ATXN10: variants seen among roughly 807,000 people sequenced by gnomAD.
ATXN10 encodes ataxin 10.
In ATXN10, 28 loss-of-function variants were observed where a neutral mutation model predicts 52.9. The observed-to-expected ratio is 0.53, with a 90% CI of 0.39 to 0.73. The LOEUF is 0.73. ATXN10 is among the 30% of genes least tolerant of loss of function. The pLI, the probability that ATXN10 is intolerant of heterozygous loss-of-function variation, is 0.00. For synonymous variants in ATXN10, 226 were observed against 221.5 expected (o/e 1.02, Z -0.18); for missense variants, 565 against 577.0 (o/e 0.98, Z 0.21).
chr22:45,764,318 C>CA (rs1926507791), intron 9 of ATXN10, among the ~76,000 whole-genome samples: 2 of 151,940 alleles, frequency 1.3e-5, no homozygotes, highest in South Asian at 4.2e-4. Context: ...CACTGCCTTC[C>CA]TGCTCAGCAT....
In ATXN10 at chr22:45,690,716, A is replaced by G. The variant is rs2146738647; in HGVS notation, c.308+813A>G. 6.6e-6 allele frequency among the ~76,000 whole-genome samples: 1 copy of G among 152,342 alleles called. No individual in the cohort carries two copies. The highest frequency in any genetic ancestry group is 2.1e-4 in the South Asian group (1 of 4,824). ...CTTCCACCTATTTTATGATGCGCAC[A>G]TTTTTAAAAGTAGTTAAAACATGAG... On this transcript the variant is annotated intron_variant, in intron 2 of 11. Coordinates refer to ENST00000252934, the MANE Select transcript of ATXN10 (RefSeq NM_013236.4). The surrounding 1 kb of genome is among the most constrained non-coding windows in gnomAD (Gnocchi z 4.5).
Position 45,833,260 on chromosome 22 carries a change from C to G in ATXN10, c.1238-9731C>G, listed in dbSNP as rs539456760. ...CTCCCCACCCTTGACCACCGACTTCCTGGGAGCTGCTGAAGGCGTCGGGGG... is the reference window on the plus strand; with the variant it reads ...CTCCCCACCCTTGACCACCGACTTCGTGGGAGCTGCTGAAGGCGTCGGGGG... On this transcript the variant is annotated intron_variant, in intron 10 of 11. Coordinates refer to ENST00000252934, the MANE Select transcript of ATXN10 (RefSeq NM_013236.4). This position sits in a 1 kb window ranked among gnomAD's most constrained non-coding sequence, Gnocchi z 4.3. Among the ~76,000 whole-genome samples the G allele has an allele frequency of 6.6e-6, 1 of 152,292 alleles. No individual in the cohort carries two copies. Among genetic ancestry groups the G allele is most frequent in the East Asian group, 1.9e-4 (1 of 5,190 alleles).
rs1045753815 is a variant in ATXN10 at position 45,757,810 on chromosome 22, T to A, written c.1173+17272T>A. Among the ~76,000 whole-genome samples the A allele has an allele frequency of 2.6e-5, 4 of 152,226 alleles. No homozygotes were observed. Among genetic ancestry groups the A allele is most frequent in the Admixed American group, 6.5e-5 (1 of 15,280 alleles). The stretch of plus-strand genomic sequence containing the variant: ...AAGAATTATTCTCTATTAGTACTTT[T>A]CTTACATGATTCAACTTGGACTTAT... On this transcript the variant is annotated intron_variant, in intron 9 of 11. Transcript: ENST00000252934. This position sits in a 1 kb window ranked among gnomAD's most constrained non-coding sequence, Gnocchi z 4.6.
rs377174414 is a variant in ATXN10, at chr22:45,740,519, A to G, written c.1154A>G (p.Asn385Ser). The G allele has an allele frequency of 4.3e-5, 69 of 1,613,796 alleles. No individual in the cohort carries two copies. Among genetic ancestry groups the G allele is most frequent in the Non-Finnish European group, 5.3e-5 (63 of 1,179,870 alleles). Reference sequence around the variant, plus strand: ...CTGATTGGAAATCTGTGTTACAAGAATAAAGATAACCAAGACAAGGTAAGA... The same window carrying G: ...CTGATTGGAAATCTGTGTTACAAGAGTAAAGATAACCAAGACAAGGTAAGA... Reference protein sequence around the residue: ...IRLIGNLCYKNKDNQDKVNEL... With the variant: ...IRLIGNLCYKSKDNQDKVNEL... Residue 385 changes from asparagine to serine, a missense_variant, in exon 9 of 12, where the codon AAT becomes AGT. Transcript: ENST00000252934.
intron 7 of ATXN10, among the ~76,000 whole-genome samples, chr22:45,730,810 T>G (rs966582843): frequency 1.3e-5 from 2 of 152,202 alleles, no homozygotes; most frequent in African/African-American, 4.8e-5. Context: ...CTTTGCACAT[T>G]TCCACAGCTG....
chr22:45,843,582 A>T lies in ATXN10; in HGVS notation c.1426-87A>T. 1.5e-6 allele frequency: 2 copies of T among 1,303,714 alleles called. No homozygotes were observed. The highest frequency in any genetic ancestry group is 2.2e-6 in the Non-Finnish European group (2 of 905,882). The allele number at this position is 1,303,714 out of a possible 1,614,324, so 80.8% of individuals were successfully genotyped here. On this transcript the variant is annotated intron_variant, in intron 11 of 11. Coordinates refer to ENST00000252934, the MANE Select transcript of ATXN10 (RefSeq NM_013236.4). This position sits in a 1 kb window ranked among gnomAD's most constrained non-coding sequence, Gnocchi z 4.5. ...CTAAGTTATTTGTCACCACTGACCA[A>T]AGTTCTGGGTTTTTTCCCCTTTTGT...
intron 7 of ATXN10, chr22:45,734,373 A>AT: frequency 3.6e-6 from 1 of 276,438 alleles, no homozygotes; most frequent in Non-Finnish European, 7.7e-6. Flanking sequence ...ATTAAAAAGC[A>AT]TTTTCTGGAA....
intron 9 of ATXN10, among the ~76,000 whole-genome samples, chr22:45,764,437 C>T (rs779330415): frequency 1.3e-5 from 2 of 152,194 alleles, no homozygotes; most frequent in Non-Finnish European, 2.9e-5. Flanking sequence ...AGTCTCAACT[C>T]TCAAAAGACA....
chr22:45,830,134 A>G lies in ATXN10; in HGVS notation c.1238-12857A>G, dbSNP rs565851646. ...TCAGTGGAGAAAGCGCAGTCTTTTCAATAGATGGTGCTAAGGAAACTAGAT... is the reference window on the plus strand; with the variant it reads ...TCAGTGGAGAAAGCGCAGTCTTTTCGATAGATGGTGCTAAGGAAACTAGAT... On this transcript the variant is annotated intron_variant, in intron 10 of 11. Transcript: ENST00000252934. Among the ~76,000 whole-genome samples the G allele has an allele frequency of 6.6e-5, 10 of 152,368 alleles. No individual in the cohort carries two copies. In the South Asian group the frequency reaches 2.1e-3, roughly 32 times the overall value.
rs543847752 is a variant in ATXN10 at position 45,763,176 on chromosome 22, T to C, written c.1173+22638T>C. ...TCTCCCTCACCCTGGTGACTCTCAG[T>C]TGGGGAGGGCTGCCGGGCAGTGTTC... On this transcript the variant is annotated intron_variant, in intron 9 of 11. Coordinates refer to ENST00000252934, the MANE Select transcript of ATXN10 (RefSeq NM_013236.4). This position sits in a 1 kb window ranked among gnomAD's most constrained non-coding sequence, Gnocchi z 6.9. Among the ~76,000 whole-genome samples the C allele has an allele frequency of 7.2e-5, 11 of 152,010 alleles. No individual in the cohort carries two copies. Among genetic ancestry groups the C allele is most frequent in the Admixed American group, 3.3e-4 (5 of 15,274 alleles).
At chr22:45,767,811 T>C (rs1601633752) in intron 9 of ATXN10, among the ~76,000 whole-genome samples, 1 of 152,194 alleles carries the variant, frequency 6.6e-6, no homozygotes, top group African/African-American at 2.4e-5. Context: ...TCTAGTGGGG[T>C]ATAGCCTAGG....
chr22:45,694,576 G>A (rs1923516023), intron 3 of ATXN10, among the ~76,000 whole-genome samples: 1 of 151,862 alleles, frequency 6.6e-6, no homozygotes, highest in Non-Finnish European at 1.5e-5. Context: ...GAGGTCAGGA[G>A]TTCAAGACCA....
At position 45,795,802 on chromosome 22, in the gene ATXN10, A is replaced by G. The variant is rs547981396; in HGVS notation, c.1174-11157A>G. Among the ~76,000 whole-genome samples, 9 of 152,358 alleles carry G rather than the reference A, an allele frequency of 5.9e-5. No individual in the cohort carries two copies. Among genetic ancestry groups the G allele is most frequent in the African/African-American group, 1.9e-4 (8 of 41,584 alleles). On this transcript the variant is annotated intron_variant, in intron 9 of 11. Coordinates refer to ENST00000252934, the MANE Select transcript of ATXN10 (RefSeq NM_013236.4). This position sits in a 1 kb window ranked among gnomAD's most constrained non-coding sequence, Gnocchi z 4.6. ...TATCACTTCCCTAATCAACACTCTT[A>G]TAATTTCCTATGCCTGTCTTGTCTT... is the stretch of plus-strand genomic sequence containing the variant.
rs1384500305 is a variant in ATXN10 at position 45,770,415 on chromosome 22, T to G, written c.1173+29877T>G. Among the ~76,000 whole-genome samples the G allele has an allele frequency of 6.6e-6, 1 of 152,234 alleles. No individual in the cohort carries two copies. Among genetic ancestry groups the G allele is most frequent in the Non-Finnish European group, 1.5e-5 (1 of 68,044 alleles). ...AAAAGAGGGGGGTATGTGATGAATATACACACTAATGGGACACACACGTGT... is the reference window on the plus strand; with the variant it reads ...AAAAGAGGGGGGTATGTGATGAATAGACACACTAATGGGACACACACGTGT... On this transcript the variant is annotated intron_variant, in intron 9 of 11. Coordinates refer to ENST00000252934, the MANE Select transcript of ATXN10 (RefSeq NM_013236.4). The surrounding 1 kb of genome is among the most constrained non-coding windows in gnomAD (Gnocchi z 4.5).
At position 45,763,109 on chromosome 22, in the gene ATXN10, A is replaced by T. The variant is rs1926457695; in HGVS notation, c.1173+22571A>T. Among the ~76,000 whole-genome samples, 1 of 152,204 alleles carries T rather than the reference A, an allele frequency of 6.6e-6. No individual in the cohort carries two copies. The highest frequency in any genetic ancestry group is 1.5e-5 in the Non-Finnish European group (1 of 68,030). ...TGTGGCTACAGCATTTTCATCTGGA[A>T]GGAGGCCTAGGAAATGATGTTTCTG... On this transcript the variant is annotated intron_variant, in intron 9 of 11. Transcript: ENST00000252934. This position sits in a 1 kb window ranked among gnomAD's most constrained non-coding sequence, Gnocchi z 6.9.
intron 9 of ATXN10, among the ~76,000 whole-genome samples, chr22:45,792,236 A>G (rs1333373943): frequency 6.6e-6 from 1 of 152,218 alleles, no homozygotes; most frequent in Non-Finnish European, 1.5e-5. Flanking sequence ...AAGAGGAGGT[A>G]GACTTAAATT....
At chr22:45,720,515 T>A (rs906792071) in intron 6 of ATXN10, among the ~76,000 whole-genome samples, 5 of 152,138 alleles carry the variant, frequency 3.3e-5, no homozygotes, top group African/African-American at 1.2e-4. Context: ...ATTGTAACCA[T>A]TTTTTAATGT....
intron 10 of ATXN10, among the ~76,000 whole-genome samples, chr22:45,821,731 A>T (rs1284589328): frequency 6.6e-6 from 1 of 152,154 alleles, no homozygotes; most frequent in Non-Finnish European, 1.5e-5. Context: ...TGTCTACCTG[A>T]TGCAACCTGT....
chr22:45,674,098 TA>T (rs944419978), intron 1 of ATXN10: 2 of 152,116 alleles, frequency 1.3e-5, no homozygotes, highest in African/African-American at 2.4e-5. Context: ...TTGTGGGGAA[TA>T]AATGAGAGGA....
Sources: allele counts gnomAD v4.1 joint callset (sites outside exome capture counted in the v4.1 genomes callset), GRCh38; gene constraint gnomAD v4.1.1; non-coding constraint Gnocchi (gnomAD v3.1); transcripts MANE v1.5; gene names NCBI Gene and HGNC (gene_info 2026-07-23, HGNC 2026-07-21).